The following GLT1D1 variants were observed in gnomAD, a reference collection of about 807,000 sequenced individuals.
GLT1D1 encodes the protein glycosyltransferase 1 domain containing 1.
GLT1D1 carries 21 observed loss-of-function variants against 28.7 expected under a neutral mutation model. That is an observed-to-expected ratio of 0.73 (90% confidence interval 0.52 to 1.05). GLT1D1 has a LOEUF of 1.05. GLT1D1 is among the 50% of genes least tolerant of loss of function. The probability of loss-of-function intolerance (pLI) is 0.00; values close to 1 mark genes in which losing one functional copy is unlikely to be tolerated. For synonymous variants in GLT1D1, 147 were observed against 124.8 expected, an observed-to-expected ratio of 1.18 and a Z score of -1.19; for missense variants, 343 against 330.6, an observed-to-expected ratio of 1.04 and a Z score of -0.29.
Position 128,874,073 on chromosome 12 carries a change from T to C in GLT1D1, c.69-1841T>C, listed in dbSNP as rs1181663739. Among the ~76,000 whole-genome samples the C allele has an allele frequency of 4.2e-3, 40 of 9,492 alleles. 4 individuals carry two copies. Among genetic ancestry groups the C allele is most frequent in the Admixed American group, 6.8e-3 (5 of 740 alleles). The allele number at this position is 9,492 out of a possible 152,430, so 6.2% of individuals were successfully genotyped here. A position where few individuals can be genotyped will look rare whatever the true frequency, so the allele number is the denominator to read the frequency against. On this transcript the variant is annotated intron_variant, in intron 1 of 7. Coordinates refer to ENST00000281703, the MANE Select transcript of GLT1D1 (RefSeq NM_144669.3). ...CCTCCCTCCCTCCTTTCTTTCTTTC[T>C]TTCTTTCTTTCTTTCTTTCTTTCTT...
chr12:128,944,505 G>A, intron 4 of GLT1D1: 3 of 1,025,206 alleles, frequency 2.9e-6, no homozygotes, highest in Non-Finnish European at 4.6e-6. Context: ...GAGCATCAAT[G>A]CCCACAGTTG....
intron 2 of GLT1D1, among the ~76,000 whole-genome samples, chr12:128,876,803 A>C (rs565791271): frequency 6.6e-6 from 1 of 152,354 alleles, no homozygotes; most frequent in Non-Finnish European, 1.5e-5. Context: ...ATATCAGAGT[A>C]AATTCACGAG....
chr12:128,963,400 A>C (rs542078467), intron 7 of GLT1D1, among the ~76,000 whole-genome samples: 1 of 152,284 alleles, frequency 6.6e-6, no homozygotes, highest in African/African-American at 2.4e-5. Flanking sequence ...TTATCCCAGC[A>C]CTTTGGGAGG....
chr12:128,967,687 G>A (rs1237390497), intron 7 of GLT1D1, among the ~76,000 whole-genome samples: 5 of 152,240 alleles, frequency 3.3e-5, no homozygotes, highest in African/African-American at 7.2e-5. Context: ...AGAAATTCCC[G>A]TCTCACTCTT....
chr12:128,948,123 G>A (rs144506407), intron 6 of GLT1D1, among the ~76,000 whole-genome samples: 1 of 152,244 alleles, frequency 6.6e-6, no homozygotes, highest in African/African-American at 2.4e-5. Flanking sequence ...GCCCTGGCTG[G>A]GCTGTGTCCC....
chr12:128,919,525 A>T lies in GLT1D1; in HGVS notation c.375+20238A>T, dbSNP rs113811646. Among the ~76,000 whole-genome samples the T allele has an allele frequency of 5.8e-3, 881 of 152,342 alleles. 7 individuals carry two copies. The highest frequency in any genetic ancestry group is 0.02 in the African/African-American group (830 of 41,580). ...TTCTATCTCTAAGCCCCAGCTAAAG[A>T]ATGAGTAAGTCTCCTTAATTTAAAA... On this transcript the variant is annotated intron_variant, in intron 4 of 7. Transcript: ENST00000281703.
chr12:128,967,725 T>A (rs531224505), intron 7 of GLT1D1, among the ~76,000 whole-genome samples: 1 of 152,354 alleles, frequency 6.6e-6, no homozygotes, highest in South Asian at 2.1e-4. Flanking sequence ...ACTTACGGAT[T>A]TGGGGAGGCC....
chr12:128,920,430 T>C (rs960180791), intron 4 of GLT1D1, among the ~76,000 whole-genome samples: 2 of 152,174 alleles, frequency 1.3e-5, no homozygotes, highest in African/African-American at 4.8e-5. Flanking sequence ...AGTGCATGTC[T>C]GTAATCCCAG....
chr12:128,924,539 C>G (rs1016710341), intron 4 of GLT1D1, among the ~76,000 whole-genome samples: 15 of 152,058 alleles, frequency 9.9e-5, no homozygotes, highest in Admixed American at 5.2e-4. Context: ...TCACTGCAAC[C>G]TCCGCCTCCC....
Position 128,926,237 on chromosome 12 carries a change from A to ATAATAAT in GLT1D1, c.376-19089_376-19088insTAATAAT, listed in dbSNP as rs1402574124. 3.8e-3 allele frequency: 1,081 copies of ATAATAAT among 284,522 alleles called. 15 individuals are homozygous for ATAATAAT. Among genetic ancestry groups the ATAATAAT allele is most frequent in the African/African-American group, 0.023 (937 of 41,332 alleles). 17.6% of individuals were successfully genotyped at this position (284,522 alleles called of 1,614,324 possible). A position where few individuals can be genotyped will look rare whatever the true frequency, so the allele number is the denominator to read the frequency against. The stretch of plus-strand genomic sequence containing the variant: ...AATAATAATAATAATAATAATAATA[A>ATAATAAT]GAGTAGGAGAAGCTGGCCTCGAAGT... On this transcript the variant is annotated intron_variant, in intron 4 of 7. Transcript: ENST00000281703.
At chr12:128,880,331 A>AC (rs1181955324) in intron 2 of GLT1D1, among the ~76,000 whole-genome samples, 2 of 152,226 alleles carry the variant, frequency 1.3e-5, no homozygotes, top group African/African-American at 4.8e-5. Flanking sequence ...GAGGAAAAAA[A>AC]TCAATTACAT....
At chr12:128,949,746 A>ACACACACACG (rs1359788509) in intron 6 of GLT1D1, among the ~76,000 whole-genome samples, 3 of 152,052 alleles carry the variant, frequency 2.0e-5, no homozygotes, top group East Asian at 1.9e-4. Context: ...GATTAGGCTC[A>ACACACACACG]CACACACACG....
At chr12:128,882,370 G>A (rs1367026840) in intron 2 of GLT1D1, among the ~76,000 whole-genome samples, 2 of 149,738 alleles carry the variant, frequency 1.3e-5, no homozygotes, top group Non-Finnish European at 3.0e-5. Context: ...TCCACCTCCC[G>A]GGTTCAAGCA....
intron 7 of GLT1D1, among the ~76,000 whole-genome samples, chr12:128,958,392 T>C (rs1616468): frequency 0.69 from 105,286 of 151,710 alleles, 36,852 homozygotes; most frequent in East Asian, 0.93. Flanking sequence ...AGCTTAGAGG[T>C]GCACATGAAA....
intron 7 of GLT1D1, among the ~76,000 whole-genome samples, chr12:128,977,782 T>C (rs1361987882): frequency 2.3e-5 from 1 of 43,280 alleles, no homozygotes; most frequent in East Asian, 1.2e-3. Context: ...CTTTTTTCTT[T>C]TTTTTTTTTT....
chr12:128,912,847 C>T (rs915775771), intron 4 of GLT1D1, among the ~76,000 whole-genome samples: 3 of 151,694 alleles, frequency 2.0e-5, no homozygotes, highest in African/African-American at 7.3e-5. Flanking sequence ...TTTTTGTATT[C>T]CTTGTAGAAA....
At chr12:128,968,162 A>AT (rs1411336407) in intron 7 of GLT1D1, among the ~76,000 whole-genome samples, 1 of 151,668 alleles carries the variant, frequency 6.6e-6, no homozygotes, top group Admixed American at 6.6e-5. Flanking sequence ...CACCTGGCTA[A>AT]TTTTTTGTAT....
chr12:128,875,076 G>T (rs1956840635), intron 1 of GLT1D1, among the ~76,000 whole-genome samples: 1 of 151,884 alleles, frequency 6.6e-6, no homozygotes, highest in Non-Finnish European at 1.5e-5. Context: ...GTGTGTGTGT[G>T]TGTGTGTGTG....
At chr12:128,855,806 G>C (rs1956204646) in intron 1 of GLT1D1, among the ~76,000 whole-genome samples, 1 of 138,788 alleles carries the variant, frequency 7.2e-6, no homozygotes, top group Admixed American at 7.7e-5. Flanking sequence ...AGGCTGGAGT[G>C]CAATGGCGGG....
Sources: allele counts gnomAD v4.1 joint callset (sites outside exome capture counted in the v4.1 genomes callset), GRCh38; gene constraint gnomAD v4.1.1; transcripts MANE v1.5; gene names NCBI Gene and HGNC (gene_info 2026-07-23, HGNC 2026-07-21).